The following CAMLG variants were observed in gnomAD, a reference collection of about 807,000 sequenced individuals.
CAMLG encodes the protein calcium modulating ligand, also known as guided entry of tail-anchored proteins factor CAMLG.
CAMLG carries 23 observed loss-of-function variants against 28.9 expected under a neutral mutation model. That is an observed-to-expected ratio of 0.80 (90% CI 0.57 to 1.13). CAMLG has a LOEUF of 1.13. Among genes scored for constraint, CAMLG ranks in the 50% most tolerant of loss-of-function variants. The pLI, the probability that CAMLG is intolerant of heterozygous loss-of-function variation, is 0.00. For synonymous variants in CAMLG, 141 were observed against 146.5 expected, an observed-to-expected ratio of 0.96 and a Z score of 0.27; for missense variants, 367 against 371.9, an observed-to-expected ratio of 0.99 and a Z score of 0.11.
At chr5:134,739,247 C>A (rs1752955589) in intron 1 of CAMLG, among the ~76,000 whole-genome samples, 1 of 152,176 alleles carries the variant, frequency 6.6e-6, no homozygotes, top group Non-Finnish European at 1.5e-5. Flanking sequence ...TAACTCCTGT[C>A]CGCCCACATC....
intron 3 of CAMLG, among the ~76,000 whole-genome samples, chr5:134,744,393 G>A (rs1014047663): frequency 2.0e-5 from 3 of 151,904 alleles, no homozygotes; most frequent in South Asian, 2.1e-4. Flanking sequence ...GTATGGTGAC[G>A]CACACCTGTA....
intron 3 of CAMLG, among the ~76,000 whole-genome samples, chr5:134,748,188 C>T (rs565139898): frequency 4.9e-4 from 74 of 152,244 alleles, no homozygotes; most frequent in Admixed American, 9.2e-4. Context: ...ACCTCCGCTT[C>T]CCAAAGTGCT....
intron 2 of CAMLG, 48 bp downstream of exon 2, chr5:134,741,571 A>T (rs1256866847): frequency 8.4e-7 from 1 of 1,190,870 alleles, no homozygotes. Context: ...GAAAATGCAA[A>T]ATGTTAATAA....
intron 3 of CAMLG, among the ~76,000 whole-genome samples, chr5:134,744,862 C>T (rs1753027150): frequency 6.6e-6 from 1 of 152,116 alleles, no homozygotes; most frequent in Non-Finnish European, 1.5e-5. Flanking sequence ...TGTTGAGAGT[C>T]AATGTTTACC....
intron 2 of CAMLG, 32 bp from the exon 3 acceptor site, chr5:134,743,955 G>A (rs1395160862): frequency 1.0e-6 from 1 of 986,138 alleles, no homozygotes; most frequent in Non-Finnish European, 1.6e-6. Context: ...GATTATGTTG[G>A]AAATATTTAA....
rs1753107510 is a variant in CAMLG, at chr5:134,750,968, A to G, written c.*18A>G. The G allele has an allele frequency of 3.2e-6, 5 of 1,564,240 alleles. No individual in the cohort carries two copies. In the Admixed American group the frequency reaches 6.0e-5, roughly 19 times the overall value. On this transcript the variant is annotated 3_prime_UTR_variant, in exon 4 of 4. Coordinates refer to ENST00000297156, the MANE Select transcript of CAMLG (RefSeq NM_001745.4). ...TACCATGAAGCCTGTAGAACTGAGA[A>G]GGAGAAGCTTACAAAAAAAAAAAAA...
In CAMLG at chr5:134,748,394, C is replaced by T. The variant is rs888721483; in HGVS notation, c.700-2365C>T. ...AAACCCCATCTCTACAAAAATTTGCCGGGCATGATGGTGGGTACCTATAAT... is the reference window on the plus strand; with the variant it reads ...AAACCCCATCTCTACAAAAATTTGCTGGGCATGATGGTGGGTACCTATAAT... On this transcript the variant is annotated intron_variant, in intron 3 of 3. Transcript: ENST00000297156. 5.3e-5 allele frequency among the ~76,000 whole-genome samples: 8 copies of T among 152,020 alleles called. No individual in the cohort carries two copies. The South Asian group carries it at 6.2e-4, about 12-fold the overall frequency.
At chr5:134,742,532 G>A (rs188806096) in intron 2 of CAMLG, among the ~76,000 whole-genome samples, 300 of 152,214 alleles carry the variant, frequency 2.0e-3, no homozygotes, top group Admixed American at 3.7e-3. Context: ...AGACATTTCA[G>A]CATTTCCTAA....
rs1356742579 is a variant in CAMLG, at chr5:134,749,137, G to A, written c.700-1622G>A. On this transcript the variant is annotated intron_variant, in intron 3 of 3. Coordinates refer to ENST00000297156, the MANE Select transcript of CAMLG (RefSeq NM_001745.4). ...GGCTGGAGTGCAGTGGCACGATCTC[G>A]GCTCACTGCAGCCTCTGCCTCCCAG... 3.3e-5 allele frequency among the ~76,000 whole-genome samples: 5 copies of A among 150,706 alleles called. 1 individual carries two copies. The highest frequency in any genetic ancestry group is 1.3e-4 in the Admixed American group (2 of 15,070).
chr5:134,750,993 A>T lies in CAMLG; in HGVS notation c.*43A>T, dbSNP rs551752913. Reference sequence around the variant, plus strand: ...AGGAGAAGCTTACAAAAAAAAAAAAATCCTCTTCTATATTGCAGTGTCTCT... The same window carrying T: ...AGGAGAAGCTTACAAAAAAAAAAAATTCCTCTTCTATATTGCAGTGTCTCT... On this transcript the variant is annotated 3_prime_UTR_variant, in exon 4 of 4. Coordinates refer to ENST00000297156, the MANE Select transcript of CAMLG (RefSeq NM_001745.4). 4 of 1,432,190 alleles carry T rather than the reference A, an allele frequency of 2.8e-6. No individual in the cohort carries two copies. In the East Asian group the frequency reaches 6.8e-5, roughly 25 times the overall value. The allele number at this position is 1,432,190 out of a possible 1,614,324, so 88.7% of individuals were successfully genotyped here. A position where few individuals can be genotyped will look rare whatever the true frequency, so the allele number is the denominator to read the frequency against.
At chr5:134,742,550 TAA>T (rs1752998095) in intron 2 of CAMLG, among the ~76,000 whole-genome samples, 1 of 152,214 alleles carries the variant, frequency 6.6e-6, no homozygotes, top group Non-Finnish European at 1.5e-5. Context: ...TAATATATCA[TAA>T]TGAGTCCATT....
chr5:134,745,173 C>T (rs1753031189), intron 3 of CAMLG, among the ~76,000 whole-genome samples: 1 of 152,152 alleles, frequency 6.6e-6, no homozygotes, highest in Non-Finnish European at 1.5e-5. Flanking sequence ...CGCGGTGGCT[C>T]ACGCCTGTAA....
chr5:134,748,502 C>G (rs1370648541), intron 3 of CAMLG, among the ~76,000 whole-genome samples: 1 of 152,172 alleles, frequency 6.6e-6, no homozygotes, highest in Non-Finnish European at 1.5e-5. Context: ...CCTGCCATTG[C>G]ACTCCAGCCT....
chr5:134,750,310 C>T (rs967559398), intron 3 of CAMLG, among the ~76,000 whole-genome samples: 2 of 152,006 alleles, frequency 1.3e-5, no homozygotes, highest in Admixed American at 6.6e-5. Context: ...GAGGCTGAGG[C>T]GGGCAGATCA....
chr5:134,750,727 T>C (rs758150230), intron 3 of CAMLG, 32 bp from the exon 4 acceptor site: 8 of 1,526,406 alleles, frequency 5.2e-6, no homozygotes, highest in Admixed American at 1.7e-5. Context: ...TGCTGAAACT[T>C]TGAAGATTAA....
At chr5:134,746,631 C>G (rs1206509659) in intron 3 of CAMLG, among the ~76,000 whole-genome samples, 1 of 152,004 alleles carries the variant, frequency 6.6e-6, no homozygotes, top group Non-Finnish European at 1.5e-5. Flanking sequence ...TGTGAGTGAC[C>G]ACACCCACTT....
At position 134,744,001 on chromosome 5, in the gene CAMLG, AT is replaced by A; in HGVS notation, c.651del (p.Thr219LeufsTer20). 7.1e-7 allele frequency: 1 copy of A among 1,408,466 alleles called. No homozygotes were observed. The allele number at this position is 1,408,466 out of a possible 1,614,324, so 87.2% of individuals were successfully genotyped here. A position where few individuals can be genotyped will look rare whatever the true frequency, so the allele number is the denominator to read the frequency against. The stretch of plus-strand genomic sequence containing the variant: ...TATCTTCACAGTCCATATTTGCTCC[AT>A]TTCTTACTTTACAACTTGCGTACAT... ...VCKYLSIFAP[F>X]LTLQLAYMGL... On this transcript the variant is annotated frameshift_variant, in exon 3 of 4. Transcript: ENST00000297156. LOFTEE classifies it high-confidence loss of function.
intron 1 of CAMLG, among the ~76,000 whole-genome samples, chr5:134,740,690 GGTTT>G (rs1480134036): frequency 2.0e-5 from 3 of 152,092 alleles, no homozygotes; most frequent in African/African-American, 7.2e-5. Context: ...CCTCCCCCCG[GGTTT>G]CAAGTGATTC....
intron 3 of CAMLG, among the ~76,000 whole-genome samples, chr5:134,745,931 G>A (rs1286996578): frequency 6.6e-6 from 1 of 151,574 alleles, no homozygotes; most frequent in Non-Finnish European, 1.5e-5. Flanking sequence ...CTGAGGTCGG[G>A]ATTTCGAGAC....
Sources: gnomAD v4.1 joint callset for allele counts (sites outside exome capture counted in the v4.1 genomes callset) on GRCh38, gnomAD v4.1.1 for gene constraint, MANE v1.5 for transcripts, NCBI Gene and HGNC (gene_info 2026-07-23, HGNC 2026-07-21) for gene names.